Variants in NRXN1 observed in about 807,000 individuals in gnomAD.
The protein encoded by NRXN1 is neurexin-1.
Under a neutral mutation model 150.9 loss-of-function variants are expected in NRXN1, and 39 were observed. The observed-to-expected ratio is 0.26, with a 90% CI of 0.20 to 0.34. The LOEUF is 0.34. NRXN1 is among the 10% of genes least tolerant of loss of function. The pLI, the probability that NRXN1 is intolerant of heterozygous loss-of-function variation, is 1.00. For missense variants in NRXN1, 1,815 were observed against 1,949.9 expected (o/e 0.93, Z 1.30); for synonymous variants, 924 against 757.0 (o/e 1.22, Z -3.62).
At chr2:49,995,751 A>C (rs989292906) in intron 21 of NRXN1, among the ~76,000 whole-genome samples, 70 of 129,294 alleles carry the variant, frequency 5.4e-4, no homozygotes, top group African/African-American at 2.0e-3. Context: ...ACTGCAATCC[A>C]GCCTGAGCGA....
chr2:50,469,407 G>C (rs4140730), intron 16 of NRXN1, among the ~76,000 whole-genome samples: 29,171 of 151,452 alleles, frequency 0.19, 3,670 homozygotes, highest in East Asian at 0.39. Flanking sequence ...GAGGCTTAGA[G>C]GTGTGTGGGT....
rs369854460 is a variant in NRXN1 at position 50,378,651 on chromosome 2, G to A, written c.3364+86791C>T. ...ATTGGGGGCTTTTTGTAATCATTTA[G>A]GAGTATTAATAATATGTAAACAGTA... is the stretch of plus-strand genomic sequence containing the variant. On this transcript the variant is annotated intron_variant, in intron 17 of 22. Transcript: ENST00000401669. Among the ~76,000 whole-genome samples the A allele has an allele frequency of 6.6e-5, 10 of 152,208 alleles. No individual in the cohort carries two copies. The East Asian group carries it at 1.5e-3, about 24-fold the overall frequency.
chr2:49,958,150 T>G (rs1675306005), intron 21 of NRXN1, among the ~76,000 whole-genome samples: 1 of 152,156 alleles, frequency 6.6e-6, no homozygotes, highest in South Asian at 2.1e-4. Context: ...GCTAATTGTC[T>G]TCTTTGAGAA....
chr2:50,584,166 G>C (rs1672723471), intron 8 of NRXN1, among the ~76,000 whole-genome samples: 1 of 152,168 alleles, frequency 6.6e-6, no homozygotes, highest in African/African-American at 2.4e-5. Flanking sequence ...AATTAGGAGA[G>C]AAATAATTTC....
intron 2 of NRXN1, among the ~76,000 whole-genome samples, chr2:50,971,851 T>C (rs1695058104): frequency 6.6e-6 from 1 of 152,148 alleles, no homozygotes; most frequent in Non-Finnish European, 1.5e-5. Context: ...AGGACAATTA[T>C]TCCTCTCTCA....
intron 18 of NRXN1, among the ~76,000 whole-genome samples, chr2:50,099,488 T>C (rs1573908289): frequency 6.6e-6 from 1 of 152,120 alleles, no homozygotes; most frequent in African/African-American, 2.4e-5. Flanking sequence ...TTCAGAACAT[T>C]TGCATCATGC....
At position 50,347,361 on chromosome 2, in the gene NRXN1, A is replaced by G. The variant is rs1046973658; in HGVS notation, c.3365-110391T>C. The G allele has an allele frequency of 1.7e-6, 2 of 1,204,756 alleles. No individual in the cohort carries two copies. Among genetic ancestry groups the G allele is most frequent in the Non-Finnish European group, 2.1e-6 (2 of 949,106 alleles). The allele number at this position is 1,204,756 out of a possible 1,614,324, so 74.6% of individuals were successfully genotyped here. The stretch of plus-strand genomic sequence containing the variant: ...CTCCTCCTGGAAGGTCCTCACTTCT[A>G]CATGACAGACATCCACCGCGAATCC... On this transcript the variant is annotated intron_variant, in intron 17 of 22. Coordinates refer to ENST00000401669, the MANE Select transcript of NRXN1 (RefSeq NM_001330078.2). This position sits in a 1 kb window ranked among gnomAD's most constrained non-coding sequence, Gnocchi z 4.9.
At chr2:50,767,998 T>C (rs2105428966) in intron 5 of NRXN1, among the ~76,000 whole-genome samples, 1 of 152,216 alleles carries the variant, frequency 6.6e-6, no homozygotes, top group African/African-American at 2.4e-5. Context: ...GCCGATAATT[T>C]ATCATATTCT....
chr2:50,402,948 T>C (rs1311440251), intron 17 of NRXN1, among the ~76,000 whole-genome samples: 1 of 152,138 alleles, frequency 6.6e-6, no homozygotes, highest in Non-Finnish European at 1.5e-5. Context: ...TAAAGTGTAC[T>C]TAAAATGATA....
intron 5 of NRXN1, among the ~76,000 whole-genome samples, chr2:50,837,674 T>G (rs372723092): frequency 3.6e-4 from 54 of 152,054 alleles, no homozygotes; most frequent in African/African-American, 1.2e-3. Flanking sequence ...AGAAAGAAAA[T>G]TTGTATTATA....
chr2:50,506,642 T>A (rs2092239508), intron 12 of NRXN1, 25 bp from the exon 13 acceptor site: 2 of 1,610,054 alleles, frequency 1.2e-6, no homozygotes, highest in East Asian at 4.5e-5. Context: ...AAACAGTCAT[T>A]ATGGACACTC....
At chr2:50,987,524 G>C in intron 2 of NRXN1, among the ~76,000 whole-genome samples, 1 of 151,972 alleles carries the variant, frequency 6.6e-6, no homozygotes, top group East Asian at 1.9e-4. Context: ...TAATAAATGG[G>C]TTATTACATC....
At chr2:50,459,751 C>T (rs983394227) in intron 17 of NRXN1, among the ~76,000 whole-genome samples, 1 of 152,030 alleles carries the variant, frequency 6.6e-6, no homozygotes, top group Admixed American at 6.6e-5. Flanking sequence ...TGGTATTGTG[C>T]AAGGTTCTGA....
intron 18 of NRXN1, among the ~76,000 whole-genome samples, chr2:50,220,908 T>C (rs585945): frequency 0.41 from 62,935 of 151,756 alleles, 13,216 homozygotes; most frequent in Middle Eastern, 0.46. Context: ...AACTAGAAGA[T>C]ATGCACACAA....
intron 21 of NRXN1, among the ~76,000 whole-genome samples, chr2:49,990,302 G>A (rs922841206): frequency 2.0e-5 from 3 of 152,066 alleles, no homozygotes; most frequent in Non-Finnish European, 4.4e-5. Context: ...TCAAAAGAAA[G>A]ACAGTGTGAT....
At chr2:50,945,899 T>TATATATATATATAC (rs371095334) in intron 2 of NRXN1, among the ~76,000 whole-genome samples, 9 of 103,022 alleles carry the variant, frequency 8.7e-5, no homozygotes, top group African/African-American at 3.5e-4. Context: ...TATATATATA[T>TATATATATATATAC]ACACACACAC....
intron 5 of NRXN1, chr2:50,631,529 T>G (rs549838906): frequency 6.6e-6 from 1 of 152,244 alleles, no homozygotes; most frequent in Non-Finnish European, 1.5e-5. Flanking sequence ...CAGTCTCAGG[T>G]TCTTCCTAAT....
chr2:50,888,232 A>C (rs956487892), intron 5 of NRXN1, among the ~76,000 whole-genome samples: 1 of 151,648 alleles, frequency 6.6e-6, no homozygotes, highest in African/African-American at 2.4e-5. Flanking sequence ...AACACAACGC[A>C]AAAACCTTTG....
rs184502528 is a variant in NRXN1 at position 49,942,546 on chromosome 2, T to C, written c.4216+1158A>G. On this transcript the variant is annotated intron_variant, in intron 22 of 22. Transcript: ENST00000401669. ...GTCAATAGACACCACTAGCAGATAGTGGTTAGTCCATATCCACCTCACTCA... is the reference window on the plus strand; with the variant it reads ...GTCAATAGACACCACTAGCAGATAGCGGTTAGTCCATATCCACCTCACTCA... Among the ~76,000 whole-genome samples the C allele has an allele frequency of 3.0e-3, 454 of 152,198 alleles. 2 individuals carry two copies. The highest frequency in any genetic ancestry group is 3.7e-3 in the Non-Finnish European group (254 of 67,998).
Sources: gnomAD v4.1 joint callset for allele counts (sites outside exome capture counted in the v4.1 genomes callset) on GRCh38, gnomAD v4.1.1 for gene constraint, Gnocchi (gnomAD v3.1) non-coding constraint, MANE v1.5 for transcripts, NCBI Gene and HGNC (gene_info 2026-07-23, HGNC 2026-07-21) for gene names.